Variants in PPP2R1B observed in about 807,000 individuals in gnomAD.
PPP2R1B encodes the protein protein phosphatase 2 scaffold subunit Abeta.
PPP2R1B carries 58 observed loss-of-function variants against 72.7 expected under a neutral mutation model. The ratio of observed to expected loss-of-function variants is 0.80; its 90% CI spans 0.65 to 0.99. The LOEUF is 0.99. Among genes scored for constraint, PPP2R1B ranks in the 50% least tolerant of loss-of-function variants. The pLI is 0.00. For missense variants in PPP2R1B, 695 were observed against 733.6 expected, an observed-to-expected ratio of 0.95 and a Z score of 0.61; for synonymous variants, 256 against 264.6, an observed-to-expected ratio of 0.97 and a Z score of 0.32.
chr11:111,742,299 T>C, intron 13 of PPP2R1B, 155 bp from the exon 14 acceptor site: 1 of 795,814 alleles, frequency 1.3e-6, no homozygotes, highest in Non-Finnish European at 1.9e-6. Flanking sequence ...CTAAAGAAAT[T>C]CTCAGCAAAA....
downstream of PPP2R1B, chr11:111,723,860 G>A (rs1943882389): frequency 5.0e-6 from 8 of 1,613,166 alleles, no homozygotes; most frequent in Non-Finnish European, 6.8e-6. Flanking sequence ...GCCAGGAGCT[G>A]CCCCAGCCCC....
chr11:111,759,110 G>C (rs1555050500), intron 5 of PPP2R1B, among the ~76,000 whole-genome samples: 1 of 152,124 alleles, frequency 6.6e-6, no homozygotes, highest in Non-Finnish European at 1.5e-5. Flanking sequence ...ACAAATTCTG[G>C]AGCCAAACCA....
chr11:111,764,797 A>T lies in PPP2R1B; in HGVS notation c.306+8T>A, dbSNP rs1945458705. 6.2e-7 allele frequency: 1 copy of T among 1,613,676 alleles called. No individual in the cohort carries two copies. Among genetic ancestry groups the T allele is most frequent in the Non-Finnish European group, 8.5e-7 (1 of 1,179,824 alleles). ...TAGAAGGAGGGTAGGCAGCTTATAAATACTCACCAGCAGACAGTGGGCAAA... is the reference window on the plus strand; with the variant it reads ...TAGAAGGAGGGTAGGCAGCTTATAATTACTCACCAGCAGACAGTGGGCAAA... On this transcript the variant is annotated splice_region_variant and intron_variant, in intron 3 of 14. Coordinates refer to ENST00000527614, the MANE Select transcript of PPP2R1B (RefSeq NM_002716.5).
At chr11:111,741,650 A>T (rs750605974) in intron 14 of PPP2R1B, 38 bp from the exon 15 acceptor site, 4 of 1,600,306 alleles carry the variant, frequency 2.5e-6, no homozygotes, top group Non-Finnish European at 3.4e-6. Flanking sequence ...AGTGGTACAG[A>T]AAGTTCACGA....
rs1349303544 is a variant in PPP2R1B at position 111,766,379 on chromosome 11, T to G, written c.-18A>C. Reference sequence around the variant, plus strand: ...CCCGCCATGTTCTTTCTCCTCCTGCTGCTGGTCACCGCCTCCCGCCCCGCG... The same window carrying G: ...CCCGCCATGTTCTTTCTCCTCCTGCGGCTGGTCACCGCCTCCCGCCCCGCG... On this transcript the variant is annotated 5_prime_UTR_variant, in exon 1 of 15. Coordinates refer to ENST00000527614, the MANE Select transcript of PPP2R1B (RefSeq NM_002716.5). The G allele has an allele frequency of 6.1e-6, 3 of 492,718 alleles. No homozygotes were observed. Among genetic ancestry groups the G allele is most frequent in the Admixed American group, 3.4e-5 (1 of 29,816 alleles). The allele number at this position is 492,718 out of a possible 1,614,324, so 30.5% of individuals were successfully genotyped here.
chr11:111,710,059 A>G, the PPP2R1B span, among the ~76,000 whole-genome samples: 1 of 152,254 alleles, frequency 6.6e-6, no homozygotes, highest in Non-Finnish European at 1.5e-5. Flanking sequence ...AGTCTAATAA[A>G]GTTGGGAAGT....
At chr11:111,727,743 G>A (rs190421635) in intron 15 of PPP2R1B, 8 of 152,426 alleles carry the variant, frequency 5.2e-5, no homozygotes, top group African/African-American at 1.9e-4. Context: ...GAGTGATTAG[G>A]TGATCAGCCA....
chr11:111,697,123 T>C, the PPP2R1B span, among the ~76,000 whole-genome samples: 1 of 152,236 alleles, frequency 6.6e-6, no homozygotes, highest in African/African-American at 2.4e-5. Context: ...GTAGTTAAAC[T>C]TGGTTTCTAT....
At chr11:111,719,942 C>T in the PPP2R1B span, 138 of 1,614,096 alleles carry the variant, frequency 8.5e-5, no homozygotes, top group Admixed American at 1.5e-4. Flanking sequence ...CCACACGCAG[C>T]GGGCAGAGAC....
rs1944479323 is a variant in PPP2R1B at position 111,740,392 on chromosome 11, G to C, written c.*1204C>G. The C allele has an allele frequency of 1.1e-6, 1 of 930,528 alleles. No homozygotes were observed. The highest frequency in any genetic ancestry group is 1.3e-6 in the Non-Finnish European group (1 of 780,384). 57.6% of individuals were successfully genotyped at this position (930,528 alleles called of 1,614,324 possible). Reference sequence around the variant, plus strand: ...GCCACCACGCCCAGCTAACTTTTTTGTATTTTTAGTAGAGATGGGGTTTCA... The same window carrying C: ...GCCACCACGCCCAGCTAACTTTTTTCTATTTTTAGTAGAGATGGGGTTTCA... On this transcript the variant is annotated 3_prime_UTR_variant, in exon 15 of 15. Transcript: ENST00000527614.
chr11:111,697,036 T>C, the PPP2R1B span, among the ~76,000 whole-genome samples: 2 of 152,186 alleles, frequency 1.3e-5, no homozygotes, highest in Non-Finnish European at 2.9e-5. Context: ...CTGACAATTA[T>C]TAACTTCTTC....
Position 111,759,887 on chromosome 11 carries a change from C to A in PPP2R1B, c.604G>T (p.Gly202Cys), listed in dbSNP as rs1284264502. The change falls in exon 5 of 15, where the codon GGT becomes TGT. Residue 202 changes from glycine to cysteine, a missense_variant. Physicochemically the swap from Gly to Cys is radical, Grantham distance 159. Transcript: ENST00000527614. ...MVRRAAASKL[G>C]EFAKVLELDS... is the part of the protein sequence containing the mutation. ...AATTCCAAAACTTTTGCAAATTCAC[C>A]CAATTTGGAAGCAGCAGCACGTCGT... is the stretch of plus-strand genomic sequence containing the variant. The A allele has an allele frequency of 6.2e-7, 1 of 1,614,032 alleles. No individual in the cohort carries two copies. Among genetic ancestry groups the A allele is most frequent in the Non-Finnish European group, 8.5e-7 (1 of 1,179,930 alleles).
chr11:111,702,022 T>G, the PPP2R1B span, among the ~76,000 whole-genome samples: 2 of 152,236 alleles, frequency 1.3e-5, no homozygotes, highest in African/African-American at 2.4e-5. Flanking sequence ...GTTACCTAGA[T>G]AGCAGTTAAG....
intron 15 of PPP2R1B, among the ~76,000 whole-genome samples, chr11:111,731,106 A>G (rs1944176940): frequency 6.6e-6 from 1 of 152,278 alleles, no homozygotes; most frequent in South Asian, 2.1e-4. Flanking sequence ...CGCAGCCTGC[A>G]CAAGGACAGG....
At chr11:111,757,493 G>T (rs1234005295) in intron 5 of PPP2R1B, among the ~76,000 whole-genome samples, 4 of 152,060 alleles carry the variant, frequency 2.6e-5, no homozygotes, top group Non-Finnish European at 5.9e-5. Flanking sequence ...CTAAATCATG[G>T]GACTGCTAAT....
intron 4 of PPP2R1B, 138 bp downstream of exon 4, chr11:111,760,681 T>A (rs936388503): frequency 2.6e-5 from 19 of 725,624 alleles, no homozygotes; most frequent in Non-Finnish European, 4.3e-5. Flanking sequence ...TCATAAATCC[T>A]ACTATCCTAG....
At chr11:111,755,568 T>A (rs1945078260) in intron 5 of PPP2R1B, 118 bp from the exon 6 acceptor site, 1 of 912,224 alleles carries the variant, frequency 1.1e-6, no homozygotes, top group East Asian at 3.1e-5. Flanking sequence ...CCTTATATAG[T>A]TTCACGTCTT....
At chr11:111,736,532 G>T (rs541179366), downstream of PPP2R1B, among the ~76,000 whole-genome samples, 1 of 152,170 alleles carries the variant, frequency 6.6e-6, no homozygotes, top group Non-Finnish European at 1.5e-5. Flanking sequence ...AATCCAACTG[G>T]ACAGTGGTCA....
At chr11:111,733,495 G>A (rs890990282), downstream of PPP2R1B, among the ~76,000 whole-genome samples, 1 of 152,178 alleles carries the variant, frequency 6.6e-6, no homozygotes, top group African/African-American at 2.4e-5. Context: ...TCTCTCCTCA[G>A]GTCGGCTGGG....
Sources: allele counts gnomAD v4.1 joint callset (sites outside exome capture counted in the v4.1 genomes callset), GRCh38; gene constraint gnomAD v4.1.1; transcripts MANE v1.5; gene names NCBI Gene and HGNC (gene_info 2026-07-23, HGNC 2026-07-21).